Variants in SLC16A7 observed in about 807,000 individuals in gnomAD.
SLC16A7 encodes the protein monocarboxylate transporter 2.
SLC16A7 carries 33 observed loss-of-function variants against 34.9 expected under a neutral mutation model. The observed-to-expected ratio is 0.94, with a 90% CI of 0.72 to 1.26. SLC16A7 has a LOEUF of 1.26. Among genes scored for constraint, SLC16A7 ranks in the 50% most tolerant of loss-of-function variants. The pLI is 0.00. For missense variants in SLC16A7, 573 were observed against 578.1 expected (o/e 0.99, Z 0.09); for synonymous variants, 201 against 206.6 (o/e 0.97, Z 0.23).
intron 1 of SLC16A7, among the ~76,000 whole-genome samples, chr12:59,631,250 T>C (rs1880169053): frequency 6.6e-6 from 1 of 151,982 alleles, no homozygotes. Context: ...AGAATAGGCC[T>C]TTGGGAAGAA....
At chr12:59,749,906 T>C (rs1258658635) in intron 3 of SLC16A7, among the ~76,000 whole-genome samples, 1 of 151,900 alleles carries the variant, frequency 6.6e-6, no homozygotes. Context: ...GAGATGAAAG[T>C]TTCCAAACCA....
chr12:59,751,038 A>T (rs1312639784), intron 3 of SLC16A7, among the ~76,000 whole-genome samples: 1 of 145,490 alleles, frequency 6.9e-6, no homozygotes, highest in Non-Finnish European at 1.5e-5. Flanking sequence ...AGGGAGGGGA[A>T]CATCACACAC....
intron 3 of SLC16A7, among the ~76,000 whole-genome samples, chr12:59,729,483 A>T (rs1565677964): frequency 6.6e-6 from 1 of 152,084 alleles, no homozygotes; most frequent in Non-Finnish European, 1.5e-5. Flanking sequence ...TTATTTTTTG[A>T]CATTTTCATT....
rs951516365 is a variant in SLC16A7 at position 59,620,134 on chromosome 12, G to GT, written c.-130+23908dup. On this transcript the variant is annotated intron_variant, in intron 1 of 5. Transcript: ENST00000547379. ...CTGAGTTCTGTGTTGATACTGTGTG[G>GT]TTTTTTTTTTCTCCTCTTTTTCTTA... 1.7e-3 allele frequency among the ~76,000 whole-genome samples: 250 copies of GT among 149,170 alleles called. 7 individuals carry two copies. The highest frequency in any genetic ancestry group is 7.6e-3 in the South Asian group (36 of 4,714).
At chr12:59,734,574 A>G (rs2711670) in intron 3 of SLC16A7, among the ~76,000 whole-genome samples, 60,576 of 152,134 alleles carry the variant, frequency 0.4, 12,572 homozygotes, top group African/African-American at 0.51. Flanking sequence ...GGTAGGGGGC[A>G]GGGCTGCCAC....
At chr12:59,719,895 T>C in intron 3 of SLC16A7, 1 of 517,358 alleles carries the variant, frequency 1.9e-6, no homozygotes, top group East Asian at 3.3e-5. Flanking sequence ...TTTTCCGTGG[T>C]CCACTGGAAA....
chr12:59,679,332 G>A (rs112112393), intron 2 of SLC16A7, among the ~76,000 whole-genome samples: 10,839 of 152,184 alleles, frequency 0.071, 430 homozygotes, highest in Middle Eastern at 0.17. Flanking sequence ...AGCCCCAGCC[G>A]TACCCCTCCC....
At chr12:59,779,151 CA>C (rs143114413) in intron 5 of SLC16A7, among the ~76,000 whole-genome samples, 5,592 of 151,934 alleles carry the variant, frequency 0.037, 313 homozygotes, top group African/African-American at 0.13. Context: ...TATATACACA[CA>C]AAAAATGCCT....
chr12:59,777,642 TTTA>T (rs1188272937), intron 5 of SLC16A7, among the ~76,000 whole-genome samples: 2 of 151,750 alleles, frequency 1.3e-5, no homozygotes, highest in African/African-American at 2.4e-5. Context: ...AAATATTTCT[TTTA>T]TTATTTTTTA....
Position 59,780,812 on chromosome 12 carries a change from C to T in SLC16A7, c.*1133C>T, listed in dbSNP as rs1242340686. 6.6e-6 allele frequency: 1 copy of T among 151,946 alleles called. No homozygotes were observed. Among genetic ancestry groups the T allele is most frequent in the African/African-American group, 2.4e-5 (1 of 41,376 alleles). The allele number at this position is 151,946 out of a possible 1,614,324, so 9.4% of individuals were successfully genotyped here. A position where few individuals can be genotyped will look rare whatever the true frequency, so the allele number is the denominator to read the frequency against. On this transcript the variant is annotated 3_prime_UTR_variant, in exon 6 of 6. Transcript: ENST00000547379. The stretch of plus-strand genomic sequence containing the variant: ...AGAGTGAGGGGTGGTTTTAATGAAC[C>T]CTCTAAGCTCTCTCAGTTCCTTCCC...
chr12:59,700,423 T>C (rs1872742125), intron 2 of SLC16A7, among the ~76,000 whole-genome samples: 1 of 150,532 alleles, frequency 6.6e-6, no homozygotes, highest in Non-Finnish European at 1.5e-5. Flanking sequence ...ATTATATATG[T>C]CATATGCATA....
In SLC16A7 at chr12:59,775,229, C is replaced by T. The variant is rs766869065; in HGVS notation, c.934C>T (p.Arg312Ter). The T allele has an allele frequency of 9.3e-6, 15 of 1,613,990 alleles. No individual in the cohort carries two copies. Among genetic ancestry groups the T allele is most frequent in the African/African-American group, 1.3e-5 (1 of 74,906 alleles). Residue 312 changes from arginine to a stop codon, truncating the protein, a stop_gained, in exon 5 of 6, where the codon CGA becomes TGA. Coordinates refer to ENST00000547379, the MANE Select transcript of SLC16A7 (RefSeq NM_001270623.2). LOFTEE classifies it high-confidence loss of function. ...TGCAAACTCCAAATATATTCGACCTCGAATTCAGTACTTCTTCAGTTTTGC... is the reference window on the plus strand; with the variant it reads ...TGCAAACTCCAAATATATTCGACCTTGAATTCAGTACTTCTTCAGTTTTGC... ...LIANSKYIRP[R>*]IQYFFSFAIM...
intron 3 of SLC16A7, among the ~76,000 whole-genome samples, chr12:59,733,515 G>A (rs984520328): frequency 5.3e-5 from 8 of 152,164 alleles, no homozygotes; most frequent in South Asian, 2.1e-4. Flanking sequence ...TGGGCACTGG[G>A]GAATGCAGTG....
chr12:59,706,473 G>T (rs910901486), intron 3 of SLC16A7, among the ~76,000 whole-genome samples: 3 of 151,872 alleles, frequency 2.0e-5, no homozygotes, highest in Non-Finnish European at 4.4e-5. Context: ...TTATTCATTT[G>T]GTTAGGTTAA....
intron 2 of SLC16A7, among the ~76,000 whole-genome samples, chr12:59,662,933 AT>A (rs1356615564): frequency 3.3e-5 from 5 of 152,112 alleles, no homozygotes; most frequent in Non-Finnish European, 5.9e-5. Flanking sequence ...AGAAAGATGA[AT>A]TCTACATTTA....
rs574467016 is a variant in SLC16A7 at position 59,740,440 on chromosome 12, G to T, written c.218-30779G>T. On this transcript the variant is annotated intron_variant, in intron 3 of 5. Transcript: ENST00000547379. ...GGTACCAGTACCATGCTGTTTTGGT[G>T]ACTGTAGCCTTGTAGTATAGTTTGA... Among the ~76,000 whole-genome samples, 5 of 152,182 alleles carry T rather than the reference G, an allele frequency of 3.3e-5. 1 individual carries two copies. Among genetic ancestry groups the T allele is most frequent in the Admixed American group, 2.0e-4 (3 of 15,282 alleles).
chr12:59,778,366 A>G (rs539503925), intron 5 of SLC16A7, among the ~76,000 whole-genome samples: 1 of 152,258 alleles, frequency 6.6e-6, no homozygotes, highest in Non-Finnish European at 1.5e-5. Context: ...AATAGGTAAT[A>G]TATTACAAGT....
chr12:59,734,365 T>C (rs1195304778), intron 3 of SLC16A7, among the ~76,000 whole-genome samples: 1 of 152,182 alleles, frequency 6.6e-6, no homozygotes, highest in East Asian at 1.9e-4. Flanking sequence ...CGGCTTCAAC[T>C]TTAACCTTAA....
At chr12:59,635,917 G>A (rs1287606567) in intron 1 of SLC16A7, among the ~76,000 whole-genome samples, 1 of 150,752 alleles carries the variant, frequency 6.6e-6, no homozygotes, top group Non-Finnish European at 1.5e-5. Flanking sequence ...TTCATCTTAA[G>A]TGCATACTTA....
Sources: allele counts gnomAD v4.1 joint callset (sites outside exome capture counted in the v4.1 genomes callset), GRCh38; gene constraint gnomAD v4.1.1; transcripts MANE v1.5; gene names NCBI Gene and HGNC (gene_info 2026-07-23, HGNC 2026-07-21).